Variants in LARP4B observed in about 807,000 individuals in gnomAD.
LARP4B encodes the protein la-related protein 4B.
In LARP4B, 12 loss-of-function variants were observed where a neutral mutation model predicts 89.8. That is an observed-to-expected ratio of 0.13 (90% CI 0.09 to 0.22). The LOEUF (loss-of-function observed/expected upper bound fraction) is 0.22. LARP4B is among the 10% of genes least tolerant of loss of function. The pLI, the probability that LARP4B is intolerant of heterozygous loss-of-function variation, is 1.00. For missense variants in LARP4B, 757 were observed against 947.7 expected (o/e 0.80, Z 2.64); for synonymous variants, 367 against 363.3 (o/e 1.01, Z -0.12).
chr10:824,314 G>A (rs144494433), intron 13 of LARP4B, among the ~76,000 whole-genome samples: 1,785 of 152,238 alleles, frequency 0.012, 33 homozygotes, highest in African/African-American at 0.04. Flanking sequence ...GCAACACAGC[G>A]AGATCCTGTC....
intron 8 of LARP4B, among the ~76,000 whole-genome samples, chr10:833,621 G>A (rs1406053483): frequency 1.3e-5 from 2 of 152,200 alleles, no homozygotes; most frequent in Non-Finnish European, 2.9e-5. Context: ...GCCCGGTGCG[G>A]TGGCTCACGC....
the LARP4B span, among the ~76,000 whole-genome samples, chr10:962,943 G>A: frequency 2.4e-3 from 358 of 152,238 alleles, 1 homozygote; most frequent in South Asian, 7.3e-3. Flanking sequence ...GCAGCCTCCC[G>A]AGACCCTGGG....
chr10:830,723 T>A, intron 9 of LARP4B, 144 bp downstream of exon 9: 1 of 521,498 alleles, frequency 1.9e-6, no homozygotes. Context: ...AATATTTAAG[T>A]TTCTACAACT....
At chr10:839,808 G>C (rs1297871452) in intron 7 of LARP4B, among the ~76,000 whole-genome samples, 1 of 152,190 alleles carries the variant, frequency 6.6e-6, no homozygotes, top group Non-Finnish European at 1.5e-5. Flanking sequence ...TTACCCAAGA[G>C]AGAGGGAAGC....
At position 926,407 on chromosome 10, in the gene LARP4B, A is replaced by G. The variant is rs185870873; in HGVS notation, c.-40+5021T>C. Among the ~76,000 whole-genome samples, 6 of 152,348 alleles carry G rather than the reference A, an allele frequency of 3.9e-5. No homozygotes were observed. The East Asian group carries it at 1.2e-3, about 29-fold the overall frequency. On this transcript the variant is annotated intron_variant, in intron 1 of 17. Coordinates refer to ENST00000316157, the MANE Select transcript of LARP4B (RefSeq NM_015155.3). The stretch of plus-strand genomic sequence containing the variant: ...AATTTCAGTCAAAGAATCTACCAAC[A>G]GCAATGGCTACAACGTTTGCAACAC...
chr10:894,680 GATC>G (rs1277600543), intron 1 of LARP4B, among the ~76,000 whole-genome samples: 5 of 152,102 alleles, frequency 3.3e-5, no homozygotes, highest in Admixed American at 2.0e-4. Flanking sequence ...TATTTTAAAA[GATC>G]TTCTTTATAA....
chr10:918,234 G>A (rs899672491), intron 1 of LARP4B, among the ~76,000 whole-genome samples: 4 of 152,106 alleles, frequency 2.6e-5, no homozygotes, highest in Admixed American at 1.3e-4. Flanking sequence ...TGTAACTGCC[G>A]CTGAGCAACT....
Position 845,006 on chromosome 10 carries a change from A to G in LARP4B, c.480T>C (p.Leu160=). The change falls in exon 6 of 18, where the codon CTT becomes CTC. Residue 160 remains leucine, a synonymous_variant. Coordinates refer to ENST00000316157, the MANE Select transcript of LARP4B (RefSeq NM_015155.3). Reference sequence around the variant, plus strand: ...ATAAGCAGAATTCCAATGTTTTTTTAAGTACTTCTCGGGGGTCTTCCTGGC... The same window carrying G: ...ATAAGCAGAATTCCAATGTTTTTTTGAGTACTTCTCGGGGGTCTTCCTGGC... ...PDSQEDPREV[L]KKTLEFCLSR... The G allele has an allele frequency of 6.2e-7, 1 of 1,611,738 alleles. No homozygotes were observed. The highest frequency in any genetic ancestry group is 8.5e-7 in the Non-Finnish European group (1 of 1,179,604).
At chr10:906,109 A>C (rs1364875542) in intron 1 of LARP4B, among the ~76,000 whole-genome samples, 2 of 152,224 alleles carry the variant, frequency 1.3e-5, no homozygotes, top group Non-Finnish European at 2.9e-5. Flanking sequence ...TTGGTCAATT[A>C]GATATTATTT....
intron 1 of LARP4B, among the ~76,000 whole-genome samples, chr10:911,333 T>C (rs568745492): frequency 1.1e-4 from 16 of 152,304 alleles, no homozygotes; most frequent in Admixed American, 1.0e-3. Context: ...AGCTGATACT[T>C]TGGCTATTGT....
At position 822,539 on chromosome 10, in the gene LARP4B, T is replaced by C. The variant is rs933548114; in HGVS notation, c.1485-1694A>G. On this transcript the variant is annotated intron_variant, in intron 13 of 17. Coordinates refer to ENST00000316157, the MANE Select transcript of LARP4B (RefSeq NM_015155.3). This position sits in a 1 kb window ranked among gnomAD's most constrained non-coding sequence, Gnocchi z 4.6. ...CCCTCACTGGGCTCCACGTAACCCG[T>C]GTCAGACCCAGAAGCCCACCTGCAG... is the stretch of plus-strand genomic sequence containing the variant. Among the ~76,000 whole-genome samples the C allele has an allele frequency of 3.3e-5, 5 of 152,142 alleles. No individual in the cohort carries two copies. Among genetic ancestry groups the C allele is most frequent in the African/African-American group, 1.2e-4 (5 of 41,436 alleles).
At chr10:926,478 G>C (rs985053370) in intron 1 of LARP4B, among the ~76,000 whole-genome samples, 2 of 152,168 alleles carry the variant, frequency 1.3e-5, no homozygotes, top group Non-Finnish European at 2.9e-5. Flanking sequence ...GGTGGGGCAG[G>C]GCAAGAAGGA....
Position 812,947 on chromosome 10 carries a change from A to C in LARP4B, c.2196T>G (p.Thr732=), listed in dbSNP as rs780650567. 1.0e-5 allele frequency: 16 copies of C among 1,549,120 alleles called. No homozygotes were observed. The South Asian group carries it at 1.7e-4, about 17-fold the overall frequency. Reference sequence around the variant, plus strand: ...GTTTTCACTGAGGAGACTTGGGGGGAGTGCTCTGCTCTCGGCTGAGACGCT... The same window carrying C: ...GTTTTCACTGAGGAGACTTGGGGGGCGTGCTCTGCTCTCGGCTGAGACGCT... ...MGKRLSREQS[T]PPKSPQ The change falls in exon 18 of 18, where the codon ACT becomes ACG. Residue 732 remains threonine (T), a synonymous_variant. Coordinates refer to ENST00000316157, the MANE Select transcript of LARP4B (RefSeq NM_015155.3).
intron 11 of LARP4B, among the ~76,000 whole-genome samples, 200 bp from the exon 12 acceptor site, chr10:826,070 C>G (rs1430666240): frequency 1.3e-5 from 2 of 152,202 alleles, no homozygotes; most frequent in Non-Finnish European, 2.9e-5. Flanking sequence ...TCCTTTCAGC[C>G]AATCCTTACA....
intron 1 of LARP4B, among the ~76,000 whole-genome samples, chr10:931,137 G>T (rs919342273): frequency 6.7e-6 from 1 of 149,030 alleles, no homozygotes; most frequent in Non-Finnish European, 1.5e-5. Flanking sequence ...CCCGGCCTCG[G>T]CCATCCTCAG....
intron 15 of LARP4B, 60 bp downstream of exon 15, chr10:817,665 G>C (rs1832133616): frequency 6.6e-7 from 1 of 1,519,096 alleles, no homozygotes; most frequent in Admixed American, 1.8e-5. Flanking sequence ...CAAAGCGCCT[G>C]ACACGGAACC....
rs547088829 is a variant in LARP4B, at chr10:827,635, T to C, written c.1125+1750A>G. On this transcript the variant is annotated intron_variant, in intron 11 of 17. Transcript: ENST00000316157. ...TCTGGCACACACCGCAACCTGAACA[T>C]ACAACATAAGTCAAGGCCATAAGCT... Among the ~76,000 whole-genome samples the C allele has an allele frequency of 3.9e-5, 6 of 152,136 alleles. No homozygotes were observed. The East Asian group carries it at 7.7e-4, about 20-fold the overall frequency.
At chr10:833,286 C>CAAAAAAAAAAAAAAAAAAAAAAAA (rs1833021950) in intron 8 of LARP4B, among the ~76,000 whole-genome samples, 1 of 57,356 alleles carries the variant, frequency 1.7e-5, no homozygotes, top group African/African-American at 6.4e-5. Flanking sequence ...AAAAAAAAAC[C>CAAAAAAAAAAAAAAAAAAAAAAAA]TCAAAATGTT....
At chr10:858,111 C>T (rs923105395) in intron 5 of LARP4B, among the ~76,000 whole-genome samples, 1 of 152,236 alleles carries the variant, frequency 6.6e-6, no homozygotes, top group Admixed American at 6.5e-5. Context: ...TACTTTGGAT[C>T]CCCCTGTTGG....
Sources: allele counts gnomAD v4.1 joint callset (sites outside exome capture counted in the v4.1 genomes callset), GRCh38; gene constraint gnomAD v4.1.1; non-coding constraint Gnocchi (gnomAD v3.1); transcripts MANE v1.5; gene names NCBI Gene and HGNC (gene_info 2026-07-23, HGNC 2026-07-21).